The following DNAH8 variants were observed in gnomAD, a reference collection of about 807,000 sequenced individuals.
DNAH8 encodes the protein dynein axonemal heavy chain 8.
A neutral mutation model predicts 562.1 loss-of-function variants in DNAH8; 382 were observed. The observed-to-expected ratio is 0.68, with a 90% CI of 0.63 to 0.74. The LOEUF is 0.74. Ranked by LOEUF, DNAH8 falls within the 30% of genes least tolerant of loss-of-function variation. DNAH8 has a pLI of 0.00. For synonymous variants in DNAH8, 1,881 were observed against 1,919.4 expected, an observed-to-expected ratio of 0.98 and a Z score of 0.52; for missense variants, 5,203 against 5,620.4, an observed-to-expected ratio of 0.93 and a Z score of 2.37.
At chr6:38,801,912 T>A (rs1770808693) in intron 21 of DNAH8, among the ~76,000 whole-genome samples, 1 of 152,022 alleles carries the variant, frequency 6.6e-6, no homozygotes, top group South Asian at 2.1e-4. Flanking sequence ...CCTCTGCAGT[T>A]GTGTTCTTGA....
chr6:38,716,982 A>T (rs1762389617), intron 1 of DNAH8, among the ~76,000 whole-genome samples: 2 of 152,210 alleles, frequency 1.3e-5, no homozygotes, highest in Non-Finnish European at 2.9e-5. Context: ...GATGGTGGGA[A>T]TTGAAAATGA....
intron 4 of DNAH8, 131 bp downstream of exon 4, chr6:38,730,117 A>G: frequency 1.8e-6 from 1 of 564,060 alleles, no homozygotes; most frequent in Admixed American, 3.4e-5. Flanking sequence ...TGTATAAGAA[A>G]TATAGTGTCT....
At chr6:38,837,905 A>AT in intron 32 of DNAH8, 37 bp from the exon 33 acceptor site, 1 of 1,372,354 alleles carries the variant, frequency 7.3e-7, no homozygotes, top group Non-Finnish European at 1.0e-6. Flanking sequence ...TACTGAATTA[A>AT]TTGTATTTTA....
intron 1 of DNAH8, among the ~76,000 whole-genome samples, chr6:38,721,054 T>A (rs1294061601): frequency 6.6e-6 from 1 of 152,122 alleles, no homozygotes; most frequent in Non-Finnish European, 1.5e-5. Context: ...AGAATGAAGA[T>A]GAACAAACTT....
intron 52 of DNAH8, among the ~76,000 whole-genome samples, chr6:38,873,869 A>G (rs1001959407): frequency 5.3e-5 from 8 of 151,974 alleles, no homozygotes; most frequent in Non-Finnish European, 1.2e-4. Context: ...GGGAAAGAAC[A>G]GAAAGGGGCC....
intron 1 of DNAH8, among the ~76,000 whole-genome samples, chr6:38,716,395 CAA>C (rs1762348939): frequency 6.6e-6 from 1 of 152,158 alleles, no homozygotes; most frequent in Non-Finnish European, 1.5e-5. Flanking sequence ...CCACTTTTCC[CAA>C]GATAGTTGTG....
At chr6:38,855,082 CAT>C (rs927444080) in intron 41 of DNAH8, among the ~76,000 whole-genome samples, 3 of 150,172 alleles carry the variant, frequency 2.0e-5, no homozygotes, top group African/African-American at 2.4e-5. Context: ...CATGTATACA[CAT>C]ATATTAAATT....
chr6:38,920,471 A>G (rs1781615869), intron 70 of DNAH8, among the ~76,000 whole-genome samples: 1 of 152,238 alleles, frequency 6.6e-6, no homozygotes, highest in Non-Finnish European at 1.5e-5. Flanking sequence ...GAAGCAGATC[A>G]TTACCACATT....
chr6:38,894,103 G>T (rs62398569), intron 58 of DNAH8, among the ~76,000 whole-genome samples: 18,349 of 152,180 alleles, frequency 0.12, 1,213 homozygotes, highest in South Asian at 0.23. Context: ...CTGCATGTCA[G>T]ACTTGCCTGT....
At chr6:39,021,329 T>G in intron 91 of DNAH8, among the ~76,000 whole-genome samples, 1 of 139,408 alleles carries the variant, frequency 7.2e-6, no homozygotes, top group African/African-American at 2.6e-5. Flanking sequence ...ACATGCACTT[T>G]TAGTACATCC....
intron 67 of DNAH8, among the ~76,000 whole-genome samples, chr6:38,914,357 C>T (rs1331026290): frequency 6.9e-6 from 1 of 145,082 alleles, no homozygotes; most frequent in African/African-American, 2.5e-5. Flanking sequence ...ATACTCCTCT[C>T]AAGGAGATAG....
At chr6:38,917,480 C>G in intron 69 of DNAH8, 74 bp downstream of exon 69, 1 of 1,190,872 alleles carries the variant, frequency 8.4e-7, no homozygotes, top group Non-Finnish European at 1.2e-6. Context: ...CAATATAGAC[C>G]AGACAAACTG....
At chr6:39,004,487 T>C (rs115246460) in intron 88 of DNAH8, among the ~76,000 whole-genome samples, 1,712 of 152,334 alleles carry the variant, frequency 0.011, 28 homozygotes, top group African/African-American at 0.039. Context: ...CTTTTATGGA[T>C]GATAAACTCT....
intron 71 of DNAH8, 92 bp from the exon 72 acceptor site, chr6:38,922,966 T>C: frequency 7.5e-7 from 1 of 1,329,324 alleles, no homozygotes; most frequent in South Asian, 1.5e-5. Flanking sequence ...AAGTAAGAAA[T>C]TCCCCCATGT....
In DNAH8 at chr6:38,727,997, G is replaced by A. The variant is rs115606767; in HGVS notation, c.526-1905G>A. On this transcript the variant is annotated intron_variant, in intron 3 of 92. Transcript: ENST00000327475. ...TTTTTTTCTTTTGAGACAGACTGTC[G>A]CTCTGTTGCCCAGTCTAGAGTGCAG... Among the ~76,000 whole-genome samples, 515 of 152,018 alleles carry A rather than the reference G, an allele frequency of 3.4e-3. 4 individuals carry two copies. Among genetic ancestry groups the A allele is most frequent in the African/African-American group, 0.012 (496 of 41,458 alleles).
chr6:38,911,339 T>C (rs1234666811), intron 65 of DNAH8, 129 bp from the exon 66 acceptor site: 3 of 761,394 alleles, frequency 3.9e-6, no homozygotes, highest in South Asian at 1.5e-5. Flanking sequence ...CTGAGAAACC[T>C]TGCTCAAGTC....
intron 58 of DNAH8, among the ~76,000 whole-genome samples, chr6:38,892,638 T>G (rs1779417346): frequency 6.6e-6 from 1 of 152,100 alleles, no homozygotes; most frequent in South Asian, 2.1e-4. Context: ...TGCAGTAACT[T>G]CCTAACCAAT....
intron 47 of DNAH8, 85 bp from the exon 48 acceptor site, chr6:38,867,977 A>G: frequency 7.4e-7 from 1 of 1,356,378 alleles, no homozygotes; most frequent in Non-Finnish European, 1.0e-6. Context: ...AAGTATCAGA[A>G]TCGACCTATA....
intron 21 of DNAH8, among the ~76,000 whole-genome samples, chr6:38,802,461 T>C (rs779764681): frequency 2.0e-5 from 3 of 152,258 alleles, no homozygotes; most frequent in East Asian, 1.9e-4. Context: ...AAAAGACTTA[T>C]TGAACTTTAT....
Sources: gnomAD v4.1 joint callset for allele counts (sites outside exome capture counted in the v4.1 genomes callset) on GRCh38, gnomAD v4.1.1 for gene constraint, MANE v1.5 for transcripts, NCBI Gene and HGNC (gene_info 2026-07-23, HGNC 2026-07-21) for gene names.